CNOT6L: variants seen among roughly 807,000 people sequenced by gnomAD.
The protein encoded by CNOT6L is CCR4-NOT transcription complex subunit 6 like.
A neutral mutation model predicts 64.0 loss-of-function variants in CNOT6L; 7 were observed. The observed-to-expected ratio is 0.11, with a 90% confidence interval of 0.06 to 0.21. The LOEUF is 0.21. Among genes scored for constraint, CNOT6L ranks in the 10% least tolerant of loss-of-function variants. The pLI is 1.00. For synonymous variants in CNOT6L, 193 were observed against 243.4 expected (o/e 0.79, Z 1.93); for missense variants, 245 against 669.0 (o/e 0.37, Z 6.99).
At chr4:77,722,839 A>AT (rs1364409755) in intron 11 of CNOT6L, among the ~76,000 whole-genome samples, 1 of 152,168 alleles carries the variant, frequency 6.6e-6, no homozygotes, top group Non-Finnish European at 1.5e-5. Context: ...TAGACTAATG[A>AT]TTTTTAACCC....
chr4:77,754,884 GAAGTAAAAA>G (rs1725284928), intron 5 of CNOT6L, among the ~76,000 whole-genome samples: 1 of 4,952 alleles, frequency 2.0e-4, no homozygotes, highest in Non-Finnish European at 5.4e-4. Context: ...CTAAACATTA[GAAGTAAAAA>G]AAAAAAAAAA....
chr4:77,728,443 A>G (rs1483254719), intron 10 of CNOT6L, among the ~76,000 whole-genome samples: 3 of 152,156 alleles, frequency 2.0e-5, no homozygotes, highest in African/African-American at 2.4e-5. Context: ...GTAAGAATAT[A>G]TATTTCCCTG....
At chr4:77,739,683 G>C (rs761957718) in intron 8 of CNOT6L, among the ~76,000 whole-genome samples, 40 of 152,178 alleles carry the variant, frequency 2.6e-4, no homozygotes, top group Non-Finnish European at 5.7e-4. Flanking sequence ...ACAATATACT[G>C]ATGTATCACA....
intron 5 of CNOT6L, among the ~76,000 whole-genome samples, chr4:77,753,457 G>C (rs1472712244): frequency 1.3e-5 from 2 of 152,034 alleles, no homozygotes; most frequent in East Asian, 3.9e-4. Context: ...GATTGCTTGA[G>C]GTCAGGAGTT....
intron 5 of CNOT6L, among the ~76,000 whole-genome samples, chr4:77,753,012 A>C (rs911272639): frequency 2.0e-5 from 3 of 151,872 alleles, no homozygotes; most frequent in Non-Finnish European, 4.4e-5. Flanking sequence ...CAACCTATGG[A>C]TATTAAGACA....
Position 77,815,817 on chromosome 4 carries a change from A to G in CNOT6L, c.5+3487T>C, listed in dbSNP as rs1009547175. On this transcript the variant is annotated intron_variant, in intron 1 of 11. Transcript: ENST00000504123. ...TAAGTTGTATGAGTCCCTAAACAAC[A>G]TAAGAGGAAAGCCACAAGAAACCTG... Among the ~76,000 whole-genome samples the G allele has an allele frequency of 6.6e-5, 10 of 152,348 alleles. No homozygotes were observed. The East Asian group carries it at 9.6e-4, about 15-fold the overall frequency.
intron 4 of CNOT6L, among the ~76,000 whole-genome samples, chr4:77,766,327 A>G (rs985567773): frequency 6.6e-6 from 1 of 152,172 alleles, no homozygotes; most frequent in African/African-American, 2.4e-5. Context: ...ATGAACTAGC[A>G]AAGTAGGAAT....
chr4:77,741,778 A>C (rs748197078), intron 8 of CNOT6L, among the ~76,000 whole-genome samples: 3 of 152,194 alleles, frequency 2.0e-5, no homozygotes, highest in African/African-American at 4.8e-5. Context: ...TTATTAAAAA[A>C]AAATCACAGA....
At chr4:77,761,216 CAAACA>C (rs751370530) in intron 4 of CNOT6L, among the ~76,000 whole-genome samples, 1 of 151,728 alleles carries the variant, frequency 6.6e-6, no homozygotes, top group Non-Finnish European at 1.5e-5. Context: ...TCCAAACAAA[CAAACA>C]AAACAAAACA....
At chr4:77,760,533 A>G (rs537873039) in intron 4 of CNOT6L, among the ~76,000 whole-genome samples, 16 of 151,702 alleles carry the variant, frequency 1.1e-4, no homozygotes, top group South Asian at 1.0e-3. Flanking sequence ...AACAAATGAA[A>G]CCCAAAGCAA....
At chr4:77,787,041 G>A (rs927678474) in intron 1 of CNOT6L, among the ~76,000 whole-genome samples, 1 of 151,860 alleles carries the variant, frequency 6.6e-6, no homozygotes, top group South Asian at 2.1e-4. Context: ...CAAGGTGGGC[G>A]GATCACCTGA....
chr4:77,763,265 A>G (rs908251889), intron 4 of CNOT6L, among the ~76,000 whole-genome samples: 3 of 152,116 alleles, frequency 2.0e-5, no homozygotes, highest in Non-Finnish European at 2.9e-5. Flanking sequence ...TATACTATTT[A>G]TAAGAGCTAT....
chr4:77,720,872 G>A (rs1320415883), intron 11 of CNOT6L, among the ~76,000 whole-genome samples: 4 of 152,132 alleles, frequency 2.6e-5, no homozygotes, highest in Non-Finnish European at 5.9e-5. Context: ...TTGTGTGTAA[G>A]TGATAATTTG....
At chr4:77,820,216 CAG>C (rs1734123226), upstream of CNOT6L, among the ~76,000 whole-genome samples, 1 of 152,126 alleles carries the variant, frequency 6.6e-6, no homozygotes, top group Admixed American at 6.5e-5. Flanking sequence ...TAACAAGGTG[CAG>C]AGAGTGCGAG....
chr4:77,748,511 G>T, intron 5 of CNOT6L, 127 bp from the exon 6 acceptor site: 1 of 664,282 alleles, frequency 1.5e-6, no homozygotes. Flanking sequence ...TTAATCTAAT[G>T]CTGAAATTTA....
chr4:77,794,636 A>G (rs1730592721), intron 1 of CNOT6L, among the ~76,000 whole-genome samples: 1 of 152,230 alleles, frequency 6.6e-6, no homozygotes, highest in Non-Finnish European at 1.5e-5. Context: ...TTAGCCTGAT[A>G]AATGGCATCA....
chr4:77,739,203 ATTG>A (rs1315287981), intron 8 of CNOT6L, among the ~76,000 whole-genome samples: 1 of 152,180 alleles, frequency 6.6e-6, no homozygotes, highest in East Asian at 1.9e-4. Flanking sequence ...GTTTCCATTT[ATTG>A]TTGCGTATTC....
chr4:77,721,840 C>T (rs535264431), intron 11 of CNOT6L, among the ~76,000 whole-genome samples: 11 of 152,064 alleles, frequency 7.2e-5, no homozygotes, highest in African/African-American at 2.4e-4. Context: ...GGTGTAGCAG[C>T]AGGCACCCAT....
At chr4:77,801,229 A>G (rs1165309732) in intron 1 of CNOT6L, among the ~76,000 whole-genome samples, 1 of 152,194 alleles carries the variant, frequency 6.6e-6, no homozygotes, top group African/African-American at 2.4e-5. Context: ...AAGGAAGAGT[A>G]TTGTTCATTT....
Sources: allele counts gnomAD v4.1 joint callset (sites outside exome capture counted in the v4.1 genomes callset), GRCh38; gene constraint gnomAD v4.1.1; transcripts MANE v1.5; gene names NCBI Gene and HGNC (gene_info 2026-07-23, HGNC 2026-07-21).